TRPM2: variants seen among roughly 807,000 people sequenced by gnomAD.
TRPM2 encodes the protein estrogen-responsive element-associated gene 1 protein.
TRPM2 carries 161 observed loss-of-function variants against 174.0 expected under a neutral mutation model. The ratio of observed to expected loss-of-function variants is 0.93; its 90% CI spans 0.81 to 1.05. The LOEUF (loss-of-function observed/expected upper bound fraction) is 1.05. Ranked by LOEUF, TRPM2 falls within the 50% of genes least tolerant of loss-of-function variation. The probability of loss-of-function intolerance (pLI) is 0.00; values close to 1 mark genes in which losing one functional copy is unlikely to be tolerated. For synonymous variants in TRPM2, 954 were observed against 861.3 expected (o/e 1.11, Z -1.88); for missense variants, 2,057 against 2,038.0 (o/e 1.01, Z -0.18).
chr21:44,431,514 G>T (rs890974188), intron 27 of TRPM2, among the ~76,000 whole-genome samples: 2 of 152,038 alleles, frequency 1.3e-5, no homozygotes, highest in African/African-American at 4.8e-5. Context: ...CTGTACCCCA[G>T]GATGGAGTGC....
chr21:44,354,571 G>A lies in TRPM2; in HGVS notation c.166-77G>A. On this transcript the variant is annotated intron_variant, in intron 1 of 31. Transcript: ENST00000397928. This position sits in a 1 kb window ranked among gnomAD's most constrained non-coding sequence, Gnocchi z 4.3. ...AAATAGTGTGAAAGCTCCTCAAGGA[G>A]CTCAGATGTGTCTCCAGGGGGCTGG... The A allele has an allele frequency of 7.6e-7, 1 of 1,312,572 alleles. No individual in the cohort carries two copies. The highest frequency in any genetic ancestry group is 1.2e-5 in the South Asian group (1 of 84,488). The allele number at this position is 1,312,572 out of a possible 1,614,324, so 81.3% of individuals were successfully genotyped here. A position where few individuals can be genotyped will look rare whatever the true frequency, so the allele number is the denominator to read the frequency against.
At chr21:44,422,651 A>G (rs1316139756) in intron 22 of TRPM2, among the ~76,000 whole-genome samples, 1 of 152,236 alleles carries the variant, frequency 6.6e-6, no homozygotes, top group South Asian at 2.1e-4. Flanking sequence ...GGGACAGCGG[A>G]TGAGAGCTGG....
intron 9 of TRPM2, among the ~76,000 whole-genome samples, chr21:44,387,185 CA>C (rs932155053): frequency 6.6e-6 from 1 of 151,930 alleles, no homozygotes; most frequent in Non-Finnish European, 1.5e-5. Flanking sequence ...GACCCTGTCT[CA>C]AAAAAATCCC....
Position 44,366,705 on chromosome 21 carries a change from C to T in TRPM2, c.424-49C>T, listed in dbSNP as rs373525532. 7 of 1,611,110 alleles carry T rather than the reference C, an allele frequency of 4.3e-6. No homozygotes were observed. In the African/African-American group the frequency reaches 6.7e-5, roughly 15 times the overall value. On this transcript the variant is annotated intron_variant, in intron 3 of 31. Transcript: ENST00000397928. This position sits in a 1 kb window ranked among gnomAD's most constrained non-coding sequence, Gnocchi z 6.0. Reference sequence around the variant, plus strand: ...ATGGCCTGTGTGGGTCGGTGCTGTCCCTGACCACTGACACACAGGTTCCCT... The same window carrying T: ...ATGGCCTGTGTGGGTCGGTGCTGTCTCTGACCACTGACACACAGGTTCCCT...
In TRPM2 at chr21:44,441,993, C is replaced by A; in HGVS notation, c.*176C>A. 1.0e-6 allele frequency: 1 copy of A among 969,582 alleles called. No homozygotes were observed. Among genetic ancestry groups the A allele is most frequent in the Non-Finnish European group, 1.4e-6 (1 of 712,040 alleles). 60.1% of individuals were successfully genotyped at this position (969,582 alleles called of 1,614,324 possible). A position where few individuals can be genotyped will look rare whatever the true frequency, so the allele number is the denominator to read the frequency against. ...AGTCTGCTGCAGATGACCTCATGAA[C>A]TGGAAGGGGTCAAGGTGACCCGGGA... On this transcript the variant is annotated 3_prime_UTR_variant, in exon 32 of 32. Coordinates refer to ENST00000397928, the MANE Select transcript of TRPM2 (RefSeq NM_003307.4).
intron 22 of TRPM2, among the ~76,000 whole-genome samples, chr21:44,421,147 A>G (rs189030923): frequency 6.6e-6 from 1 of 152,096 alleles, no homozygotes; most frequent in Non-Finnish European, 1.5e-5. Flanking sequence ...GTGAAACCTC[A>G]TCTCTACTAA....
rs45610133 is a variant in TRPM2, at chr21:44,355,501, G to C, written c.254+765G>C. 2.2e-3 allele frequency among the ~76,000 whole-genome samples: 332 copies of C among 152,272 alleles called. 2 individuals are homozygous for C. Among genetic ancestry groups the C allele is most frequent in the Middle Eastern group, 0.01 (3 of 294 alleles). On this transcript the variant is annotated intron_variant, in intron 2 of 31. Coordinates refer to ENST00000397928, the MANE Select transcript of TRPM2 (RefSeq NM_003307.4). ...CTATTGCAGATGCTGCCTCTGCCGT[G>C]CAGCCTTCCGTGACTATACAACCTC...
intron 20 of TRPM2, among the ~76,000 whole-genome samples, chr21:44,414,409 G>A (rs981443940): frequency 3.3e-5 from 5 of 152,224 alleles, no homozygotes; most frequent in African/African-American, 7.2e-5. Flanking sequence ...TGTCAGCCTC[G>A]TTCCTTCTGC....
Position 44,417,819 on chromosome 21 carries a change from G to A in TRPM2, c.3147-108G>A, listed in dbSNP as rs886784280. 44 of 1,167,438 alleles carry A rather than the reference G, an allele frequency of 3.8e-5. 1 individual carries two copies. The African/African-American group carries it at 6.5e-4, about 17-fold the overall frequency. The allele number at this position is 1,167,438 out of a possible 1,614,324, so 72.3% of individuals were successfully genotyped here. On this transcript the variant is annotated intron_variant, in intron 20 of 31. Transcript: ENST00000397928. Reference sequence around the variant, plus strand: ...TCTGTGGCATCACAGTGGGCATGTGGGCGTGGCTCTGCTCTCTGTGGCATC... The same window carrying A: ...TCTGTGGCATCACAGTGGGCATGTGAGCGTGGCTCTGCTCTCTGTGGCATC...
At chr21:44,423,401 G>A (rs1003029686) in intron 22 of TRPM2, 6 of 509,836 alleles carry the variant, frequency 1.2e-5, no homozygotes, top group African/African-American at 1.9e-5. Context: ...GGGACCGACA[G>A]GCTGCCAGAG....
chr21:44,395,074 A>C (rs1288577812), intron 11 of TRPM2, among the ~76,000 whole-genome samples: 1 of 152,178 alleles, frequency 6.6e-6, no homozygotes, highest in Non-Finnish European at 1.5e-5. Flanking sequence ...AACATACTCC[A>C]CTGTGCTAGA....
chr21:44,369,316 C>G lies in TRPM2; in HGVS notation c.744C>G (p.His248Gln). 1 of 1,613,132 alleles carries G rather than the reference C, an allele frequency of 6.2e-7. No individual in the cohort carries two copies. The highest frequency in any genetic ancestry group is 1.1e-5 in the South Asian group (1 of 91,010). ...GAGTCGCCACCTGGGGCACTGTCCACCGCCGCGAGGGCCTGATCCATCCCA... is the reference window on the plus strand; with the variant it reads ...GAGTCGCCACCTGGGGCACTGTCCAGCGCCGCGAGGGCCTGATCCATCCCA... ...TIGVATWGTV[H>Q]RREGLIHPTG... is the part of the protein sequence containing the mutation. The change falls in exon 5 of 32, where the codon CAC (histidine) becomes CAG (glutamine). Residue 248 changes from histidine to glutamine, a missense_variant. Transcript: ENST00000397928.
Position 44,372,460 on chromosome 21 carries a change from A to G in TRPM2, c.771+3117A>G, listed in dbSNP as rs192886849. Among the ~76,000 whole-genome samples the G allele has an allele frequency of 2.1e-3, 314 of 152,334 alleles. 1 individual carries two copies. Among genetic ancestry groups the G allele is most frequent in the African/African-American group, 7.3e-3 (305 of 41,570 alleles). On this transcript the variant is annotated intron_variant, in intron 5 of 31. Transcript: ENST00000397928. Reference sequence around the variant, plus strand: ...CAGCGAGCCAAGGTTGTGCCACTGCACTCCAGCCCAGGTGACAGAGCGAGA... The same window carrying G: ...CAGCGAGCCAAGGTTGTGCCACTGCGCTCCAGCCCAGGTGACAGAGCGAGA...
At chr21:44,359,788 C>T (rs576243053) in intron 2 of TRPM2, among the ~76,000 whole-genome samples, 6 of 151,480 alleles carry the variant, frequency 4.0e-5, no homozygotes, top group Non-Finnish European at 7.4e-5. Flanking sequence ...TGCTCTGTCA[C>T]CCAGGCTGGA....
At chr21:44,423,311 T>C (rs532178609) in intron 22 of TRPM2, 4 of 334,682 alleles carry the variant, frequency 1.2e-5, no homozygotes, top group African/African-American at 8.4e-5. Flanking sequence ...AACCAACCTC[T>C]GCTGTGCCCA....
upstream of TRPM2, among the ~76,000 whole-genome samples, chr21:44,352,072 G>A (rs2047934740): frequency 6.6e-6 from 1 of 152,196 alleles, no homozygotes; most frequent in African/African-American, 2.4e-5. Flanking sequence ...GTCCCCTTGC[G>A]GTGCCACTGC....
rs553067737 is a variant in TRPM2 at position 44,366,256 on chromosome 21, CAGAGGGGACAGGAGAGGGGACAGG to C, written c.424-454_424-431del. Among the ~76,000 whole-genome samples the C allele has an allele frequency of 0.028, 3,576 of 126,970 alleles. 190 individuals are homozygous for C. The highest frequency in any genetic ancestry group is 0.1 in the African/African-American group (3,093 of 30,684). The allele number at this position is 126,970 out of a possible 152,430, so 83.3% of individuals were successfully genotyped here. On this transcript the variant is annotated intron_variant, in intron 3 of 31. Coordinates refer to ENST00000397928, the MANE Select transcript of TRPM2 (RefSeq NM_003307.4). The surrounding 1 kb of genome is among the most constrained non-coding windows in gnomAD (Gnocchi z 6.0). ...GGGCCACAGAGCAGAGGGGATAGGG[CAGAGGGGACAGGAGAGGGGACAGG>C]AGAGGGGACAGGAGAGGGGACAGGA...
chr21:44,439,220 G>T lies in TRPM2; in HGVS notation c.4269+52G>T. The stretch of plus-strand genomic sequence containing the variant: ...CACCTGTGTGTCCCCAGGGCTGCAG[G>T]ACAAACACAGTGTGATACTGGGGAC... On this transcript the variant is annotated intron_variant, in intron 30 of 31. Coordinates refer to ENST00000397928, the MANE Select transcript of TRPM2 (RefSeq NM_003307.4). This position sits in a 1 kb window ranked among gnomAD's most constrained non-coding sequence, Gnocchi z 5.1. 1.3e-6 allele frequency: 2 copies of T among 1,539,186 alleles called. No homozygotes were observed. The highest frequency in any genetic ancestry group is 1.1e-5 in the South Asian group (1 of 89,014).
intron 2 of TRPM2, among the ~76,000 whole-genome samples, chr21:44,359,784 GTCA>G (rs1306664019): frequency 6.6e-6 from 1 of 150,584 alleles, no homozygotes; most frequent in Non-Finnish European, 1.5e-5. Context: ...GTCTTGCTCT[GTCA>G]CCCAGGCTGG....
Sources: gnomAD v4.1 joint callset for allele counts (sites outside exome capture counted in the v4.1 genomes callset) on GRCh38, gnomAD v4.1.1 for gene constraint, Gnocchi (gnomAD v3.1) non-coding constraint, MANE v1.5 for transcripts, NCBI Gene and HGNC (gene_info 2026-07-23, HGNC 2026-07-21) for gene names.